KIF2A: variants seen among roughly 807,000 people sequenced by gnomAD.
KIF2A encodes the protein kinesin family member 2A.
In KIF2A, 22 loss-of-function variants were observed where a neutral mutation model predicts 100.2. The ratio of observed to expected loss-of-function variants is 0.22; its 90% confidence interval spans 0.16 to 0.31. KIF2A has a LOEUF of 0.31. Among genes scored for constraint, KIF2A ranks in the 10% least tolerant of loss-of-function variants. The probability of loss-of-function intolerance (pLI) is 1.00; values close to 1 mark genes in which losing one functional copy is unlikely to be tolerated. For synonymous variants in KIF2A, 268 were observed against 285.9 expected, an observed-to-expected ratio of 0.94 and a Z score of 0.63; for missense variants, 495 against 898.7, an observed-to-expected ratio of 0.55 and a Z score of 5.74.
At chr5:62,376,529 C>T (rs1400331163) in intron 18 of KIF2A, among the ~76,000 whole-genome samples, 1 of 152,082 alleles carries the variant, frequency 6.6e-6, no homozygotes, top group Non-Finnish European at 1.5e-5. Context: ...AAGTGATTCT[C>T]CTGCCTCAGC....
chr5:62,312,088 C>G (rs1461245797), intron 1 of KIF2A, among the ~76,000 whole-genome samples: 1 of 152,170 alleles, frequency 6.6e-6, no homozygotes, highest in African/African-American at 2.4e-5. Flanking sequence ...CTGAGACATA[C>G]AAACCCCTGT....
intron 3 of KIF2A, among the ~76,000 whole-genome samples, chr5:62,348,480 T>C (rs1451304706): frequency 3.3e-5 from 5 of 152,158 alleles, no homozygotes; most frequent in Admixed American, 3.3e-4. Context: ...CATATGACTT[T>C]GACAAAGGCA....
intron 1 of KIF2A, chr5:62,308,350 C>T: frequency 6.8e-7 from 1 of 1,461,748 alleles, no homozygotes; most frequent in Non-Finnish European, 9.0e-7. Context: ...GTAGGATTTA[C>T]ATATTATTTT....
chr5:62,352,859 C>A, intron 5 of KIF2A, 149 bp downstream of exon 5: 1 of 602,244 alleles, frequency 1.7e-6, no homozygotes, highest in African/African-American at 1.9e-5. Flanking sequence ...TTAACTTCTT[C>A]TTATTAGTCT....
intron 1 of KIF2A, among the ~76,000 whole-genome samples, chr5:62,345,830 A>G (rs564540007): frequency 3.3e-4 from 51 of 152,280 alleles, no homozygotes; most frequent in African/African-American, 9.6e-4. Context: ...AAGGATTTCT[A>G]TTAGGAAATA....
chr5:62,370,131 TAGAC>T (rs1207461826), intron 16 of KIF2A, among the ~76,000 whole-genome samples: 3 of 152,194 alleles, frequency 2.0e-5, no homozygotes, highest in Non-Finnish European at 2.9e-5. Context: ...AAAATTCGGT[TAGAC>T]AGATGTGAAA....
At chr5:62,379,735 A>G (rs1189365107) in intron 19 of KIF2A, among the ~76,000 whole-genome samples, 3 of 152,208 alleles carry the variant, frequency 2.0e-5, no homozygotes, top group South Asian at 2.1e-4. Flanking sequence ...ACACATACCT[A>G]TGTTAACCAG....
At position 62,347,150 on chromosome 5, in the gene KIF2A, G is replaced by A. The variant is rs1276930329; in HGVS notation, c.85G>A (p.Val29Ile). Residue 29 changes from valine to isoleucine, a missense_variant, in exon 2 of 21, where the codon GTA becomes ATA. Val to Ile is a conservative substitution (Grantham distance 29). Transcript: ENST00000407818. ...RSDGRIHQAM[V>I]TSLNEDNESV... The stretch of plus-strand genomic sequence containing the variant: ...CATAGGCCGAATACATCAAGCAATG[G>A]TAACATCTTTAAATGAAGATAATGA... 4 of 1,602,278 alleles carry A rather than the reference G, an allele frequency of 2.5e-6. No individual in the cohort carries two copies. In the Admixed American group the frequency reaches 6.8e-5, roughly 27 times the overall value.
At chr5:62,352,765 CTT>C in intron 5 of KIF2A, 55 bp downstream of exon 5, 1 of 1,451,324 alleles carries the variant, frequency 6.9e-7, no homozygotes, top group South Asian at 1.2e-5. Flanking sequence ...TGTATTCTCT[CTT>C]GGTCATCCTT....
intron 1 of KIF2A, among the ~76,000 whole-genome samples, chr5:62,341,403 C>T (rs1050751582): frequency 6.6e-6 from 1 of 151,984 alleles, no homozygotes. Context: ...TAGGCTCAAG[C>T]AATCCTCCTA....
intron 1 of KIF2A, chr5:62,308,327 T>C: frequency 7.0e-7 from 1 of 1,437,196 alleles, no homozygotes; most frequent in Non-Finnish European, 9.1e-7. Flanking sequence ...GAGTTCACAG[T>C]ATACCAGCAA....
intron 1 of KIF2A, chr5:62,308,183 G>C (rs144257209): frequency 3.3e-5 from 13 of 398,128 alleles, no homozygotes; most frequent in Non-Finnish European, 5.4e-5. Context: ...ATACCGCTTA[G>C]AGCTTTAGAA....
chr5:62,308,567 G>A lies in KIF2A; in HGVS notation c.64+2031G>A, dbSNP rs531195302. On this transcript the variant is annotated intron_variant, in intron 1 of 20. Transcript: ENST00000407818. ...GTGTATACGTTTATGTGTGTGTATA[G>A]ACAATGTACAATGGAACATTATTCA... 758 of 702,248 alleles carry A rather than the reference G, an allele frequency of 1.1e-3. 13 individuals carry two copies. The South Asian group carries it at 0.011, about 10-fold the overall frequency. The allele number at this position is 702,248 out of a possible 1,614,324, so 43.5% of individuals were successfully genotyped here. A position where few individuals can be genotyped will look rare whatever the true frequency, so the allele number is the denominator to read the frequency against.
In KIF2A at chr5:62,336,280, C is replaced by T. The variant is rs921658200; in HGVS notation, c.65-10850C>T. Among the ~76,000 whole-genome samples, 11 of 152,126 alleles carry T rather than the reference C, an allele frequency of 7.2e-5. 1 individual carries two copies. The highest frequency in any genetic ancestry group is 1.3e-4 in the Admixed American group (2 of 15,264). ...CACTGTTTGAAGACAAGGACTTCTG[C>T]GGCTCCTCTTAAAAATGCTGGTTTT... is the stretch of plus-strand genomic sequence containing the variant. On this transcript the variant is annotated intron_variant, in intron 1 of 20. Transcript: ENST00000407818.
At position 62,336,281 on chromosome 5, in the gene KIF2A, G is replaced by A. The variant is rs931848941; in HGVS notation, c.65-10849G>A. Among the ~76,000 whole-genome samples, 24 of 152,196 alleles carry A rather than the reference G, an allele frequency of 1.6e-4. 1 individual carries two copies. Among genetic ancestry groups the A allele is most frequent in the African/African-American group, 5.8e-4 (24 of 41,430 alleles). ...ACTGTTTGAAGACAAGGACTTCTGCGGCTCCTCTTAAAAATGCTGGTTTTT... is the reference window on the plus strand; with the variant it reads ...ACTGTTTGAAGACAAGGACTTCTGCAGCTCCTCTTAAAAATGCTGGTTTTT... On this transcript the variant is annotated intron_variant, in intron 1 of 20. Transcript: ENST00000407818.
rs890363781 is a variant in KIF2A, at chr5:62,389,153, T to C, written c.*3584T>C. On this transcript the variant is annotated 3_prime_UTR_variant, in exon 21 of 21. Transcript: ENST00000407818. ...TTAATACTAAAACATGAATACAGCA[T>C]GCTTACAGAGCCCACCCACTCCTAA... The C allele has an allele frequency of 5.7e-6, 6 of 1,048,646 alleles. No homozygotes were observed. Among genetic ancestry groups the C allele is most frequent in the African/African-American group, 1.6e-5 (1 of 61,538 alleles). The allele number at this position is 1,048,646 out of a possible 1,614,324, so 65.0% of individuals were successfully genotyped here. A position where few individuals can be genotyped will look rare whatever the true frequency, so the allele number is the denominator to read the frequency against.
At chr5:62,316,318 G>T (rs537271523) in intron 1 of KIF2A, among the ~76,000 whole-genome samples, 1 of 152,194 alleles carries the variant, frequency 6.6e-6, no homozygotes, top group Non-Finnish European at 1.5e-5. Flanking sequence ...AGAATATGAC[G>T]TCATCTCTTT....
intron 11 of KIF2A, among the ~76,000 whole-genome samples, chr5:62,361,952 A>C (rs1748435333): frequency 6.6e-6 from 1 of 151,862 alleles, no homozygotes; most frequent in African/African-American, 2.4e-5. Flanking sequence ...TGATCATTTG[A>C]ACCCAGGAAG....
In KIF2A at chr5:62,355,262, T is replaced by G. The variant is rs994943232; in HGVS notation, c.654+8T>G. 7.2e-7 allele frequency: 1 copy of G among 1,389,546 alleles called. No individual in the cohort carries two copies. Among genetic ancestry groups the G allele is most frequent in the Non-Finnish European group, 1.0e-6 (1 of 985,764 alleles). 86.1% of individuals were successfully genotyped at this position (1,389,546 alleles called of 1,614,324 possible). ...TTAACAACAGCAGATCCTGTAAGAT[T>G]CTTTGTAAACCATTATTCTGGAACT... On this transcript the variant is annotated splice_region_variant and intron_variant, in intron 7 of 20. Coordinates refer to ENST00000407818, the MANE Select transcript of KIF2A (RefSeq NM_001098511.3).
Sources: gnomAD v4.1 joint callset for allele counts (sites outside exome capture counted in the v4.1 genomes callset) on GRCh38, gnomAD v4.1.1 for gene constraint, MANE v1.5 for transcripts, NCBI Gene and HGNC (gene_info 2026-07-23, HGNC 2026-07-21) for gene names.